Variants in ARCN1 observed in about 807,000 individuals in gnomAD.
ARCN1 encodes archain 1 coat protein complex I subunit delta, also known as coatomer subunit delta.
ARCN1 carries 5 observed loss-of-function variants against 60.4 expected under a neutral mutation model. The ratio of observed to expected loss-of-function variants is 0.08; its 90% confidence interval spans 0.04 to 0.17. The LOEUF is 0.17. Ranked by LOEUF, ARCN1 falls within the 10% of genes least tolerant of loss-of-function variation. The probability of loss-of-function intolerance (pLI) is 1.00; values close to 1 mark genes in which losing one functional copy is unlikely to be tolerated. For synonymous variants in ARCN1, 224 were observed against 220.0 expected (o/e 1.02, Z -0.16); for missense variants, 464 against 626.5 (o/e 0.74, Z 2.77).
At chr11:118,587,791 A>G (rs1408734793) in intron 5 of ARCN1, among the ~76,000 whole-genome samples, 1 of 152,238 alleles carries the variant, frequency 6.6e-6, no homozygotes, top group African/African-American at 2.4e-5. Flanking sequence ...TCATAAGTCC[A>G]GACTTTCAGA....
At chr11:118,598,722 C>T (rs191067699) in intron 9 of ARCN1, among the ~76,000 whole-genome samples, 17 of 149,704 alleles carry the variant, frequency 1.1e-4, no homozygotes, top group African/African-American at 7.4e-5. Flanking sequence ...CTTGAACTCC[C>T]GACCTCAGGT....
chr11:118,592,804 G>T lies in ARCN1; in HGVS notation c.1080G>T (p.Gly360=), dbSNP rs781832837. 2.5e-6 allele frequency: 4 copies of T among 1,614,098 alleles called. No homozygotes were observed. In the East Asian group the frequency reaches 6.7e-5, roughly 27 times the overall value. ...EKSFPVNSDV[G]VLKWRLQTTE... is the part of the protein sequence containing the mutation. The stretch of plus-strand genomic sequence containing the variant: ...CATTTCCAGTCAACAGTGACGTAGG[G>T]GTGCTAAAGTGGAGACTACAAACCA... The change falls in exon 7 of 10, where the codon GGG becomes GGT. Residue 360 remains glycine (G), a synonymous_variant. Transcript: ENST00000264028.
chr11:118,600,387 C>T (rs782666573), intron 9 of ARCN1, among the ~76,000 whole-genome samples: 3 of 152,186 alleles, frequency 2.0e-5, no homozygotes, highest in East Asian at 1.9e-4. Context: ...CTTAATACTA[C>T]GGAACATCTC....
At chr11:118,590,281 C>T in intron 5 of ARCN1, 60 bp from the exon 6 acceptor site, 2 of 1,474,610 alleles carry the variant, frequency 1.4e-6, no homozygotes, top group South Asian at 2.5e-5. Flanking sequence ...AGGCATGAGC[C>T]ACCACGCCCG....
chr11:118,591,260 A>G (rs1938901902), intron 6 of ARCN1, among the ~76,000 whole-genome samples: 1 of 152,204 alleles, frequency 6.6e-6, no homozygotes, highest in Non-Finnish European at 1.5e-5. Flanking sequence ...AAGCCTTTTT[A>G]CGGAAGAGTG....
chr11:118,590,455 C>T lies in ARCN1; in HGVS notation c.933C>T (p.Gly311=). ...IMLRISDDKY[G]RIRLHVENED... ...TTAGGATCTCAGATGACAAGTATGG[C>T]CGAATTCGTCTTCATGTGGAAAATG... The change falls in exon 6 of 10, where the codon GGC becomes GGT. Residue 311 remains glycine, a synonymous_variant. Coordinates refer to ENST00000264028, the MANE Select transcript of ARCN1 (RefSeq NM_001655.5). The T allele has an allele frequency of 1.2e-6, 2 of 1,614,102 alleles. No individual in the cohort carries two copies. Among genetic ancestry groups the T allele is most frequent in the Non-Finnish European group, 1.7e-6 (2 of 1,180,030 alleles).
intron 9 of ARCN1, among the ~76,000 whole-genome samples, chr11:118,599,383 G>A (rs1040321625): frequency 2.6e-5 from 4 of 151,818 alleles, no homozygotes; most frequent in Admixed American, 6.6e-5. Context: ...GAGTCACCGC[G>A]CTCGGCCCGG....
rs1555077445 is a variant in ARCN1 at position 118,597,781 on chromosome 11, A to T, written c.1316A>T (p.Glu439Val). The change falls in exon 9 of 10, where the codon GAG becomes GTG. Residue 439 changes from glutamate to valine, a missense_variant. By Grantham distance (121) the Glu-to-Val change is moderately radical. Transcript: ENST00000264028. ...CATGACAGTCGACGAAATACCCTGG[A>T]GTGGTGCCTGCCTGTGATTGATGCC... The part of the protein sequence containing the change: ...YRHDSRRNTL[E>V]WCLPVIDAKN... 2 of 1,614,122 alleles carry T rather than the reference A, an allele frequency of 1.2e-6. No homozygotes were observed. Among genetic ancestry groups the T allele is most frequent in the South Asian group, 2.2e-5 (2 of 91,070 alleles).
In ARCN1 at chr11:118,592,772, G is replaced by C; in HGVS notation, c.1048G>C (p.Glu350Gln). The C allele has an allele frequency of 6.2e-7, 1 of 1,614,042 alleles. No individual in the cohort carries two copies. Among genetic ancestry groups the C allele is most frequent in the Non-Finnish European group, 8.5e-7 (1 of 1,179,960 alleles). ...AESLIGLKNP[E>Q]KSFPVNSDVG... ...GTCTCTAATTGGCCTGAAGAATCCA[G>C]AGAAGTCATTTCCAGTCAACAGTGA... Residue 350 changes from glutamate (E) to glutamine (Q), a missense_variant, in exon 7 of 10, where the codon GAG becomes CAG. Physicochemically the swap from Glu to Gln is conservative, Grantham distance 29. This residue lies in a region of ARCN1 where 359 missense variants were observed against 440.2 expected (regional missense o/e 0.82). Transcript: ENST00000264028.
intron 5 of ARCN1, among the ~76,000 whole-genome samples, chr11:118,587,549 G>GA (rs1363333511): frequency 2.6e-4 from 40 of 152,214 alleles, no homozygotes; most frequent in African/African-American, 8.9e-4. Flanking sequence ...ATGTAGTGTA[G>GA]AAAAAACAAC....
At chr11:118,580,821 G>A (rs1408440034) in intron 1 of ARCN1, among the ~76,000 whole-genome samples, 1 of 151,928 alleles carries the variant, frequency 6.6e-6, no homozygotes, top group Non-Finnish European at 1.5e-5. Context: ...CTGTGCCCGT[G>A]AAAGTCAGTA....
chr11:118,589,157 G>A (rs1938841223), intron 5 of ARCN1, among the ~76,000 whole-genome samples: 1 of 152,122 alleles, frequency 6.6e-6, no homozygotes, highest in African/African-American at 2.4e-5. Flanking sequence ...AAAGTGCCGT[G>A]TTGTATATAA....
At position 118,584,639 on chromosome 11, in the gene ARCN1, G is replaced by A. The variant is rs1555075201; in HGVS notation, c.813G>A (p.Met271Ile). The A allele has an allele frequency of 6.3e-7, 1 of 1,596,596 alleles. No individual in the cohort carries two copies. The highest frequency in any genetic ancestry group is 8.5e-7 in the Non-Finnish European group (1 of 1,173,836). ...ATKMHAPPIN[M>I]ESVHMKIEEK... ...AAATGCATGCTCCACCCATTAATAT[G>A]GAAAGGTAAGTAGGAACTTTGAGTA... The change falls in exon 5 of 10, where the codon ATG becomes ATA. Residue 271 changes from methionine to isoleucine, a missense_variant. Met to Ile is a conservative substitution (Grantham distance 10). This residue lies in a region of ARCN1 where 359 missense variants were observed against 440.2 expected (regional missense o/e 0.82). Transcript: ENST00000264028.
intron 8 of ARCN1, among the ~76,000 whole-genome samples, chr11:118,596,969 G>A (rs1555077266): frequency 6.6e-6 from 1 of 152,168 alleles, no homozygotes. Flanking sequence ...CAGCACTTTG[G>A]GAGGCCGAGG....
chr11:118,574,556 A>T (rs917790777), intron 1 of ARCN1, among the ~76,000 whole-genome samples: 6 of 152,168 alleles, frequency 3.9e-5, no homozygotes, highest in Non-Finnish European at 7.3e-5. Context: ...ATTAAAAAAA[A>T]ATATACATTT....
At chr11:118,575,721 G>A (rs925263421) in intron 1 of ARCN1, among the ~76,000 whole-genome samples, 5 of 152,266 alleles carry the variant, frequency 3.3e-5, no homozygotes, top group Non-Finnish European at 5.9e-5. Context: ...TATAATTCTG[G>A]AAGTAAGGGA....
chr11:118,581,263 G>A lies in ARCN1; in HGVS notation c.21G>A (p.Ala7=), dbSNP rs142869705. MVLLAA[A]VCTKAGKAIV... ...CCTGGCAGGTGCTGTTGGCAGCAGC[G>A]GTCTGCACAAAAGCAGGAAAGGCTA... The change falls in exon 2 of 10, where the codon GCG becomes GCA. Residue 7 remains alanine, a synonymous_variant. Coordinates refer to ENST00000264028, the MANE Select transcript of ARCN1 (RefSeq NM_001655.5). 60 of 1,614,194 alleles carry A rather than the reference G, an allele frequency of 3.7e-5. No homozygotes were observed. In the East Asian group the frequency reaches 9.4e-4, roughly 25 times the overall value.
intron 1 of ARCN1, among the ~76,000 whole-genome samples, chr11:118,579,438 G>C (rs753994202): frequency 4.6e-5 from 7 of 151,608 alleles, no homozygotes; most frequent in Non-Finnish European, 7.4e-5. Context: ...TTGGGAGGCC[G>C]AGGTGGGCAG....
At chr11:118,584,146 G>A (rs1938723721) in intron 4 of ARCN1, 132 bp downstream of exon 4, 4 of 901,316 alleles carry the variant, frequency 4.4e-6, no homozygotes, top group Non-Finnish European at 5.0e-6. Flanking sequence ...GTTACATTTG[G>A]CCACATACAA....
Sources: allele counts gnomAD v4.1 joint callset (sites outside exome capture counted in the v4.1 genomes callset), GRCh38; gene constraint gnomAD v4.1.1; regional missense constraint gnomAD v4.1.1; transcripts MANE v1.5; gene names NCBI Gene and HGNC (gene_info 2026-07-23, HGNC 2026-07-21).